Variants in TACC2 observed in about 807,000 individuals in gnomAD.
TACC2 encodes transforming acidic coiled-coil containing protein 2, also known as transforming acidic coiled-coil-containing protein 2.
Under a neutral mutation model 227.3 loss-of-function variants are expected in TACC2, and 137 were observed. The ratio of observed to expected loss-of-function variants is 0.60; its 90% CI spans 0.52 to 0.69. TACC2 has a LOEUF of 0.69. Ranked by LOEUF, TACC2 falls within the 30% of genes least tolerant of loss-of-function variation. The pLI, the probability that TACC2 is intolerant of heterozygous loss-of-function variation, is 0.00. For synonymous variants in TACC2, 1,523 were observed against 1,487.5 expected, an observed-to-expected ratio of 1.02 and a Z score of -0.55; for missense variants, 3,470 against 3,694.4, an observed-to-expected ratio of 0.94 and a Z score of 1.57.
intron 19 of TACC2, among the ~76,000 whole-genome samples, chr10:122,244,824 C>T (rs2096074262): frequency 6.6e-6 from 1 of 152,152 alleles, no homozygotes; most frequent in Non-Finnish European, 1.5e-5. Context: ...ACAGATGCTC[C>T]ACACCAGTGT....
chr10:122,178,651 A>G (rs570544125), intron 7 of TACC2, among the ~76,000 whole-genome samples: 1 of 152,322 alleles, frequency 6.6e-6, no homozygotes, highest in East Asian at 1.9e-4. Flanking sequence ...TGAGAGGCCA[A>G]GGCAGGTGGA....
chr10:122,182,203 A>G (rs564958915), intron 7 of TACC2, among the ~76,000 whole-genome samples: 1 of 152,280 alleles, frequency 6.6e-6, no homozygotes, highest in East Asian at 1.9e-4. Context: ...TGTGGGAGGT[A>G]TTTGTTGAGC....
At position 122,210,584 on chromosome 10, in the gene TACC2, G is replaced by GCCT; in HGVS notation, c.6161_6163dup (p.Pro2054dup). On this transcript the variant is annotated inframe_insertion, in exon 9 of 23. Transcript: ENST00000369005. The surrounding 1 kb of genome is among the most constrained non-coding windows in gnomAD (Gnocchi z 4.6). ...TTGTGGATACCTTTCAGACCTTGGA[G>GCCT]CCTCGTGCCTCAGACGCTAAGAATC... 6.2e-7 allele frequency: 1 copy of GCCT among 1,614,136 alleles called. No individual in the cohort carries two copies. The highest frequency in any genetic ancestry group is 8.5e-7 in the Non-Finnish European group (1 of 1,180,018).
intron 7 of TACC2, among the ~76,000 whole-genome samples, chr10:122,189,135 T>C (rs1315870771): frequency 1.3e-5 from 2 of 152,114 alleles, no homozygotes; most frequent in Non-Finnish European, 2.9e-5. Flanking sequence ...ATGACCGGTC[T>C]GATCATACTG....
Position 122,087,006 on chromosome 10 carries a change from G to T in TACC2, c.4506G>T (p.Gly1502=), listed in dbSNP as rs1054052519. Residue 1502 remains glycine, a synonymous_variant, in exon 4 of 23, where the codon GGG becomes GGT. Transcript: ENST00000369005. ...PASDKLLGPA[G]LTWERNLPGA... is the part of the protein sequence containing the mutation. ...CAGACAAGCTTCTGGGTCCAGCAGG[G>T]CTGACCTGGGAGCGGAACTTGCCAG... 6.2e-7 allele frequency: 1 copy of T among 1,613,954 alleles called. No individual in the cohort carries two copies. Among genetic ancestry groups the T allele is most frequent in the Non-Finnish European group, 8.5e-7 (1 of 1,180,050 alleles).
intron 1 of TACC2, among the ~76,000 whole-genome samples, chr10:121,998,914 C>G (rs1381837870): frequency 2.6e-5 from 4 of 152,176 alleles, no homozygotes; most frequent in African/African-American, 9.6e-5. Context: ...AGACTTCAGC[C>G]TGAAACATGT....
chr10:122,122,029 T>A (rs1049157293), intron 5 of TACC2, among the ~76,000 whole-genome samples: 1 of 152,150 alleles, frequency 6.6e-6, no homozygotes, highest in Non-Finnish European at 1.5e-5. Context: ...GTCGCTTAAT[T>A]CCTTGAGTCT....
chr10:122,047,719 TC>T (rs1398281106), intron 2 of TACC2, among the ~76,000 whole-genome samples: 1 of 152,206 alleles, frequency 6.6e-6, no homozygotes, highest in African/African-American at 2.4e-5. Flanking sequence ...CAAATATCCA[TC>T]TTTCCCTTAA....
chr10:122,088,731 A>T, intron 5 of TACC2, 140 bp downstream of exon 5: 2 of 1,541,832 alleles, frequency 1.3e-6, no homozygotes, highest in Non-Finnish European at 1.7e-6. Context: ...TTCCCGTTTT[A>T]TGTACAGGTA....
intron 2 of TACC2, among the ~76,000 whole-genome samples, chr10:122,046,068 G>A (rs576644912): frequency 3.3e-4 from 51 of 152,262 alleles, no homozygotes; most frequent in African/African-American, 1.2e-3. Flanking sequence ...CCAGCTGTTC[G>A]GGAGGCTGAG....
chr10:122,213,316 T>A, intron 9 of TACC2: 2 of 1,608,994 alleles, frequency 1.2e-6, no homozygotes, highest in Non-Finnish European at 1.7e-6. Flanking sequence ...TGTCTGTCTC[T>A]CTTTTTCTTT....
At chr10:122,131,388 A>G (rs1050594873) in intron 5 of TACC2, among the ~76,000 whole-genome samples, 4 of 152,082 alleles carry the variant, frequency 2.6e-5, no homozygotes, top group Admixed American at 1.3e-4. Context: ...CCGATGAAAT[A>G]ATAGGGTAAC....
chr10:122,145,986 G>T (rs1236164618), intron 7 of TACC2, among the ~76,000 whole-genome samples: 2 of 152,188 alleles, frequency 1.3e-5, no homozygotes, highest in African/African-American at 4.8e-5. Flanking sequence ...CAATCACTGT[G>T]CTAGGGACAG....
chr10:121,997,919 C>T (rs991596423), intron 1 of TACC2, among the ~76,000 whole-genome samples: 1 of 151,996 alleles, frequency 6.6e-6, no homozygotes, highest in Non-Finnish European at 1.5e-5. Flanking sequence ...CCATCTCAGC[C>T]CAAGAGGTCC....
chr10:122,077,442 A>G (rs74961412), intron 3 of TACC2, among the ~76,000 whole-genome samples: 6,345 of 152,316 alleles, frequency 0.042, 185 homozygotes, highest in South Asian at 0.12. Flanking sequence ...CTGGGAGCCC[A>G]GGCCAGGGAG....
At chr10:122,134,171 C>CT (rs397964719) in intron 6 of TACC2, among the ~76,000 whole-genome samples, 22,802 of 141,236 alleles carry the variant, frequency 0.16, 3,529 homozygotes, top group African/African-American at 0.4. Flanking sequence ...AGCCATAGTT[C>CT]TTTTTTTTTT....
chr10:122,204,301 C>T (rs1198390680), intron 8 of TACC2, among the ~76,000 whole-genome samples: 1 of 152,186 alleles, frequency 6.6e-6, no homozygotes, highest in Non-Finnish European at 1.5e-5. Flanking sequence ...GGAGTGGCCC[C>T]AGGTCACAGC....
Position 121,990,317 on chromosome 10 carries a change from C to T in TACC2, c.-46+829C>T, listed in dbSNP as rs549673065. On this transcript the variant is annotated intron_variant, in intron 1 of 22. Coordinates refer to ENST00000369005, the MANE Select transcript of TACC2 (RefSeq NM_206862.4). ...TTTTTTATAGAGATGGGGGTCTCGC[C>T]GTGTTGGCCAGGCTGGTCTCAAACC... is the stretch of plus-strand genomic sequence containing the variant. Among the ~76,000 whole-genome samples the T allele has an allele frequency of 1.2e-3, 183 of 151,890 alleles. 1 individual carries two copies. The highest frequency in any genetic ancestry group is 4.1e-3 in the African/African-American group (168 of 41,412).
rs1203641585 is a variant in TACC2, at chr10:122,132,643, G to GC, written c.5613dup (p.Ala1872ArgfsTer16). ...GGCAGATGATATCATCCAGCCCGCTGCCCCCGCAGACCTGGAAAGCCCAAC... is the reference window on the plus strand; with the variant it reads ...GGCAGATGATATCATCCAGCCCGCTGCCCCCCGCAGACCTGGAAAGCCCAAC... On this transcript the variant is annotated frameshift_variant, in exon 6 of 23. Coordinates refer to ENST00000369005, the MANE Select transcript of TACC2 (RefSeq NM_206862.4). LOFTEE classifies it high-confidence loss of function. The GC allele has an allele frequency of 6.2e-7, 1 of 1,614,096 alleles. No individual in the cohort carries two copies. Among genetic ancestry groups the GC allele is most frequent in the South Asian group, 1.1e-5 (1 of 91,074 alleles).
Sources: allele counts gnomAD v4.1 joint callset (sites outside exome capture counted in the v4.1 genomes callset), GRCh38; gene constraint gnomAD v4.1.1; non-coding constraint Gnocchi (gnomAD v3.1); transcripts MANE v1.5; gene names NCBI Gene and HGNC (gene_info 2026-07-23, HGNC 2026-07-21).